The following PCSK2 variants were observed in gnomAD, a reference collection of about 807,000 sequenced individuals.
The protein encoded by PCSK2 is proprotein convertase subtilisin/kexin type 2, also known as neuroendocrine convertase 2.
In PCSK2, 14 loss-of-function variants were observed where a neutral mutation model predicts 69.7. The observed-to-expected ratio is 0.20, with a 90% CI of 0.13 to 0.31. PCSK2 has a LOEUF of 0.31. Among genes scored for constraint, PCSK2 ranks in the 10% least tolerant of loss-of-function variants. The probability of loss-of-function intolerance (pLI) is 1.00; values close to 1 mark genes in which losing one functional copy is unlikely to be tolerated. For missense variants in PCSK2, 544 were observed against 842.5 expected (o/e 0.65, Z 4.39); for synonymous variants, 307 against 320.7 (o/e 0.96, Z 0.46).
intron 2 of PCSK2, among the ~76,000 whole-genome samples, chr20:17,353,329 G>A (rs1015849073): frequency 6.6e-6 from 1 of 152,096 alleles, no homozygotes; most frequent in African/African-American, 2.4e-5. Flanking sequence ...GCTGGGCGTG[G>A]TGGCACACGC....
intron 2 of PCSK2, among the ~76,000 whole-genome samples, chr20:17,296,603 T>C (rs965045921): frequency 1.3e-5 from 2 of 152,200 alleles, no homozygotes; most frequent in Middle Eastern, 3.2e-3. Context: ...ATCCCTTCAG[T>C]TATTTCAGCA....
intron 5 of PCSK2, among the ~76,000 whole-genome samples, chr20:17,373,147 A>G (rs1328135660): frequency 1.3e-5 from 2 of 152,132 alleles, no homozygotes; most frequent in Non-Finnish European, 2.9e-5. Context: ...TTTGAGTACA[A>G]GTAGGTTATT....
chr20:17,392,756 T>C (rs1034715234), intron 5 of PCSK2, among the ~76,000 whole-genome samples: 1 of 152,232 alleles, frequency 6.6e-6, no homozygotes, highest in African/African-American at 2.4e-5. Flanking sequence ...ATCAATAACA[T>C]GTTCTTTTTT....
chr20:17,352,929 T>G (rs1423808118), intron 2 of PCSK2, among the ~76,000 whole-genome samples: 2 of 152,072 alleles, frequency 1.3e-5, no homozygotes, highest in African/African-American at 4.8e-5. Context: ...GAGAAAATAT[T>G]TGCAAACTAT....
intron 10 of PCSK2, among the ~76,000 whole-genome samples, chr20:17,460,885 C>G (rs995218801): frequency 6.6e-6 from 1 of 152,172 alleles, no homozygotes. Context: ...ACTTTACATA[C>G]ATAATTTACA....
chr20:17,469,665 G>A (rs969902225), intron 11 of PCSK2, among the ~76,000 whole-genome samples: 13 of 152,074 alleles, frequency 8.5e-5, no homozygotes, highest in East Asian at 3.8e-4. Context: ...ATCAGCTCCC[G>A]TGCATACAGG....
At chr20:17,405,777 GT>G (rs936319375) in intron 5 of PCSK2, among the ~76,000 whole-genome samples, 2 of 152,196 alleles carry the variant, frequency 1.3e-5, no homozygotes, top group East Asian at 1.9e-4. Context: ...CCAGGGATGG[GT>G]TTTTTTCCCC....
chr20:17,261,673 C>A (rs1693991082), intron 2 of PCSK2, among the ~76,000 whole-genome samples: 1 of 152,116 alleles, frequency 6.6e-6, no homozygotes, highest in East Asian at 1.9e-4. Context: ...TTGGCTATAC[C>A]AATTCATTAC....
intron 2 of PCSK2, among the ~76,000 whole-genome samples, chr20:17,282,792 TA>T (rs1988369054): frequency 6.6e-6 from 1 of 152,166 alleles, no homozygotes; most frequent in Non-Finnish European, 1.5e-5. Flanking sequence ...TTTCTCTTTG[TA>T]AATAAAGTGA....
chr20:17,334,273 T>A (rs1990287647), intron 2 of PCSK2, among the ~76,000 whole-genome samples: 1 of 151,946 alleles, frequency 6.6e-6, no homozygotes, highest in African/African-American at 2.4e-5. Context: ...GTCATCAGAG[T>A]CACTGGAATG....
Position 17,453,822 on chromosome 20 carries a change from C to T in PCSK2, c.966C>T (p.Tyr322=), listed in dbSNP as rs1279204596. 11 of 1,614,182 alleles carry T rather than the reference C, an allele frequency of 6.8e-6. No individual in the cohort carries two copies. Among genetic ancestry groups the T allele is most frequent in the Non-Finnish European group, 8.5e-6 (10 of 1,180,028 alleles). The change falls in exon 9 of 12, where the codon TAC becomes TAT. Residue 322 remains tyrosine, a synonymous_variant. Coordinates refer to ENST00000262545, the MANE Select transcript of PCSK2 (RefSeq NM_002594.5). The surrounding 1 kb of genome is among the most constrained non-coding windows in gnomAD (Gnocchi z 4.0). ...ATGACGACTGCAACTGCGACGGCTA[C>T]GCCTCCAGCATGTGGACCATCTCCA... ...GSYDDCNCDG[Y]ASSMWTISIN...
chr20:17,371,822 G>A (rs2123234901), intron 5 of PCSK2, among the ~76,000 whole-genome samples: 1 of 152,142 alleles, frequency 6.6e-6, no homozygotes, highest in Non-Finnish European at 1.5e-5. Flanking sequence ...ATCTCCAATT[G>A]TTGAACAATT....
intron 1 of PCSK2, among the ~76,000 whole-genome samples, chr20:17,255,176 T>C (rs76759121): frequency 0.018 from 2,729 of 152,322 alleles, 36 homozygotes; most frequent in Non-Finnish European, 0.025. Flanking sequence ...CCTGATGGCA[T>C]TAGCTAAAAT....
At chr20:17,375,602 A>G (rs2030901281) in intron 5 of PCSK2, among the ~76,000 whole-genome samples, 2 of 152,086 alleles carry the variant, frequency 1.3e-5, no homozygotes, top group African/African-American at 4.8e-5. Flanking sequence ...ACCCCAAGTG[A>G]GGTTTTCTCC....
Position 17,482,341 on chromosome 20 carries a change from T to TG in PCSK2, c.*272dup, listed in dbSNP as rs1359733546. The TG allele has an allele frequency of 4.9e-5, 2 of 40,536 alleles. No individual in the cohort carries two copies. The highest frequency in any genetic ancestry group is 5.4e-5 in the Non-Finnish European group (1 of 18,446). The allele number at this position is 40,536 out of a possible 1,614,324, so 2.5% of individuals were successfully genotyped here. On this transcript the variant is annotated 3_prime_UTR_variant, in exon 12 of 12. Transcript: ENST00000262545. ...TCTGTCATTCAAATGGGTGATATCC[T>TG]GAAAAAAAAAAAAAAAAAAAAACTG...
chr20:17,278,074 G>A (rs1452254662), intron 2 of PCSK2, among the ~76,000 whole-genome samples: 1 of 152,132 alleles, frequency 6.6e-6, no homozygotes, highest in Non-Finnish European at 1.5e-5. Context: ...GAAACAACAG[G>A]TGCTGGAGAG....
intron 2 of PCSK2, among the ~76,000 whole-genome samples, chr20:17,264,856 C>T (rs1276745138): frequency 1.4e-5 from 1 of 74,028 alleles, no homozygotes; most frequent in African/African-American, 4.8e-5. Context: ...ATTTTCTTTT[C>T]TTTCTTTCTT....
At chr20:17,279,161 C>T (rs757055168) in intron 2 of PCSK2, among the ~76,000 whole-genome samples, 2 of 152,124 alleles carry the variant, frequency 1.3e-5, no homozygotes, top group African/African-American at 2.4e-5. Flanking sequence ...AGATTATTTC[C>T]GCATTCCGAT....
At chr20:17,353,073 A>T (rs1259684596) in intron 2 of PCSK2, among the ~76,000 whole-genome samples, 1 of 152,232 alleles carries the variant, frequency 6.6e-6, no homozygotes, top group Non-Finnish European at 1.5e-5. Flanking sequence ...GCCAACAAAC[A>T]TATGAAAAAT....
Sources: allele counts gnomAD v4.1 joint callset (sites outside exome capture counted in the v4.1 genomes callset), GRCh38; gene constraint gnomAD v4.1.1; non-coding constraint Gnocchi (gnomAD v3.1); transcripts MANE v1.5; gene names NCBI Gene and HGNC (gene_info 2026-07-23, HGNC 2026-07-21).